COL9A3: variants seen among roughly 807,000 people sequenced by gnomAD.
COL9A3 encodes collagen alpha-3(IX) chain.
A neutral mutation model predicts 110.2 loss-of-function variants in COL9A3; 82 were observed. The observed-to-expected ratio is 0.74, with a 90% CI of 0.62 to 0.89. The LOEUF is 0.89. COL9A3 is among the 40% of genes least tolerant of loss of function. The pLI, the probability that COL9A3 is intolerant of heterozygous loss-of-function variation, is 0.00. For synonymous variants in COL9A3, 494 were observed against 403.8 expected (o/e 1.22, Z -2.68); for missense variants, 1,066 against 981.3 (o/e 1.09, Z -1.15).
In COL9A3 at chr20:62,837,160, C is replaced by G. The variant is rs756782482; in HGVS notation, c.1681C>G (p.Pro561Ala). The G allele has an allele frequency of 1.9e-6, 3 of 1,612,816 alleles. No homozygotes were observed. In the African/African-American group the frequency reaches 4.0e-5, roughly 22 times the overall value. ...CATTGGTCGGCCCGGTCCAGCTGGC[C>G]CCCCTGGGCCCCCAGGACCCCCAGG... ...GSIGRPGPAG[P>A]PGPPGPPGSI... Residue 561 changes from proline to alanine, a missense_variant, in exon 30 of 32, where the codon CCC becomes GCC. Transcript: ENST00000649368.
At chr20:62,816,335 G>C (rs899265103), upstream of COL9A3, 1 of 152,300 alleles carries the variant, frequency 6.6e-6, no homozygotes, top group Admixed American at 6.5e-5. Flanking sequence ...CCCAGGGCAC[G>C]GTTCCTTCAG....
At chr20:62,816,838 C>A (rs769133283), upstream of COL9A3, among the ~76,000 whole-genome samples, 1 of 152,148 alleles carries the variant, frequency 6.6e-6, no homozygotes, top group Non-Finnish European at 1.5e-5. Context: ...TTTTAACTCG[C>A]GGCCGGAGAG....
At position 62,838,865 on chromosome 20, in the gene COL9A3, T is replaced by C. The variant is rs572560458; in HGVS notation, c.1864+104T>C. ...GGTTATGAATGGGTCTCTTTTCCTC[T>C]TCTCTTGGCAAAGCAGTCTTAGAGA... On this transcript the variant is annotated intron_variant, in intron 31 of 31. Transcript: ENST00000649368. 6.6e-6 allele frequency: 6 copies of C among 911,590 alleles called. No homozygotes were observed. In the African/African-American group the frequency reaches 9.8e-5, roughly 15 times the overall value. The allele number at this position is 911,590 out of a possible 1,614,324, so 56.5% of individuals were successfully genotyped here. A position where few individuals can be genotyped will look rare whatever the true frequency, so the allele number is the denominator to read the frequency against.
At chr20:62,838,398 C>T (rs1359199239) in intron 30 of COL9A3, among the ~76,000 whole-genome samples, 1 of 152,144 alleles carries the variant, frequency 6.6e-6, no homozygotes, top group Non-Finnish European at 1.5e-5. Flanking sequence ...CATCCAAACA[C>T]GGGAAAGGAA....
Position 62,821,780 on chromosome 20 carries a change from C to T in COL9A3, c.393C>T (p.Pro131=). ...AGGGAGAGGCAGGAGTGAGCGGCCCCCCAGGTGGGATCGGCCTCCGCGGCC... is the reference window on the plus strand; with the variant it reads ...AGGGAGAGGCAGGAGTGAGCGGCCCTCCAGGTGGGATCGGCCTCCGCGGCC... ...GPPGEAGVSG[P]PGGIGLRGPP... is the part of the protein sequence containing the mutation. Residue 131 remains proline (P), a synonymous_variant, in exon 8 of 32, where the codon CCC becomes CCT. Transcript: ENST00000649368. The T allele has an allele frequency of 6.2e-7, 1 of 1,610,684 alleles. No homozygotes were observed. The highest frequency in any genetic ancestry group is 1.7e-4 in the Middle Eastern group (1 of 5,856).
At chr20:62,831,889 G>A (rs759906562) in intron 24 of COL9A3, 9 of 550,674 alleles carry the variant, frequency 1.6e-5, no homozygotes, top group East Asian at 3.0e-5. Flanking sequence ...AGAAACACCC[G>A]CACGAATTCA....
Position 62,825,815 on chromosome 20 carries a change from A to G in COL9A3, c.631-2A>G. 1 of 1,553,448 alleles carries G rather than the reference A, an allele frequency of 6.4e-7. No individual in the cohort carries two copies. The highest frequency in any genetic ancestry group is 8.7e-7 in the Non-Finnish European group (1 of 1,148,272). ...CTGACCACCCTATCCCCTCTGTTTCAGGGTGACCCTGGCCCCCCTGGGCCC... is the reference window on the plus strand; with the variant it reads ...CTGACCACCCTATCCCCTCTGTTTCGGGGTGACCCTGGCCCCCCTGGGCCC... On this transcript the variant is annotated splice_acceptor_variant, in intron 12 of 31. Transcript: ENST00000649368. LOFTEE classifies it high-confidence loss of function.
Position 62,822,124 on chromosome 20 carries a change from T to G in COL9A3, c.437T>G (p.Leu146Arg). 1 of 1,580,898 alleles carries G rather than the reference T, an allele frequency of 6.3e-7. No individual in the cohort carries two copies. Among genetic ancestry groups the G allele is most frequent in the South Asian group, 1.1e-5 (1 of 90,424 alleles). ...CCCCCTCCCCAGGGACCTTCTGGAC[T>G]CCCCGGCCTCCCTGGTCCCCCAGGA... Reference protein sequence around the residue: ...GLRGPPGPSGLPGLPGPPGPP... With the variant: ...GLRGPPGPSGRPGLPGPPGPP... Residue 146 changes from leucine (L) to arginine (R), a missense_variant, in exon 9 of 32, where the codon CTC becomes CGC. Physicochemically the swap from Leu to Arg is moderately radical, Grantham distance 102. Transcript: ENST00000649368.
rs370265182 is a variant in COL9A3, at chr20:62,836,348, C to T, written c.1548+15C>T. 85 of 1,613,660 alleles carry T rather than the reference C, an allele frequency of 5.3e-5. No individual in the cohort carries two copies. Among genetic ancestry groups the T allele is most frequent in the Middle Eastern group, 3.3e-4 (2 of 6,084 alleles). On this transcript the variant is annotated intron_variant, in intron 28 of 31. Transcript: ENST00000649368. Reference sequence around the variant, plus strand: ...CGGGAGTTCCGGTACGTCGCTTTTCCGGCTTTTCCAGCTTTCACAGGGTTG... The same window carrying T: ...CGGGAGTTCCGGTACGTCGCTTTTCTGGCTTTTCCAGCTTTCACAGGGTTG...
chr20:62,837,182 C>T lies in COL9A3; in HGVS notation c.1703C>T (p.Pro568Leu). ...GGCCCCCCTGGGCCCCCAGGACCCC[C>T]AGGCTCCATTGGTCACCCTGGCGCT... is the stretch of plus-strand genomic sequence containing the variant. ...PAGPPGPPGPPGSIGHPGARG... is the reference protein window; with the variant it reads ...PAGPPGPPGPLGSIGHPGARG... Residue 568 changes from proline (P) to leucine (L), a missense_variant, in exon 30 of 32, where the codon CCA becomes CTA. Pro to Leu is a moderately conservative substitution (Grantham distance 98, BLOSUM62 -3). Transcript: ENST00000649368. 1 of 1,612,802 alleles carries T rather than the reference C, an allele frequency of 6.2e-7. No homozygotes were observed. Among genetic ancestry groups the T allele is most frequent in the Non-Finnish European group, 8.5e-7 (1 of 1,179,804 alleles).
intron 10 of COL9A3, 142 bp downstream of exon 10, chr20:62,822,774 A>G (rs1201276400): frequency 2.3e-6 from 2 of 859,190 alleles, no homozygotes; most frequent in African/African-American, 3.3e-5. Flanking sequence ...CAGAGCAGAC[A>G]GCTCGGGCAC....
intron 19 of COL9A3, 122 bp downstream of exon 19, chr20:62,829,098 T>A: frequency 8.9e-7 from 1 of 1,123,100 alleles, no homozygotes; most frequent in Non-Finnish European, 1.3e-6. Context: ...TTCTGGGGCC[T>A]GTGTCCATCA....
intron 10 of COL9A3, among the ~76,000 whole-genome samples, chr20:62,823,980 T>C (rs969974779): frequency 5.3e-5 from 8 of 151,030 alleles, no homozygotes; most frequent in African/African-American, 2.0e-4. Context: ...AGTGGCCTCC[T>C]GGGGTCCCGT....
intron 25 of COL9A3, among the ~76,000 whole-genome samples, chr20:62,832,673 CG>C (rs199730144): frequency 1.7e-5 from 2 of 116,676 alleles, no homozygotes; most frequent in Non-Finnish European, 4.1e-5. Flanking sequence ...GGGCCATGGC[CG>C]TGGCTGCCCC....
At chr20:62,827,567 C>T (rs2063564255) in intron 16 of COL9A3, among the ~76,000 whole-genome samples, 1 of 152,218 alleles carries the variant, frequency 6.6e-6, no homozygotes, top group African/African-American at 2.4e-5. Flanking sequence ...GGCTTGGATC[C>T]TGCCCCCAGA....
chr20:62,818,513 C>A lies in COL9A3; in HGVS notation c.148-5C>A. 3 of 1,613,048 alleles carry A rather than the reference C, an allele frequency of 1.9e-6. No homozygotes were observed. The highest frequency in any genetic ancestry group is 2.5e-6 in the Non-Finnish European group (3 of 1,179,894). On this transcript the variant is annotated splice_region_variant and splice_polypyrimidine_tract_variant and intron_variant, in intron 2 of 31. Transcript: ENST00000649368. ...AGGGTTACATGTGGGTGTCTTTCCT[C>A]ACAGGGAGAAGCTGGTCCTCCAGGT...
intron 9 of COL9A3, among the ~76,000 whole-genome samples, 192 bp downstream of exon 9, chr20:62,822,356 C>T (rs1485264129): frequency 1.3e-5 from 2 of 152,170 alleles, no homozygotes; most frequent in Non-Finnish European, 2.9e-5. Flanking sequence ...ATGGTCAGGA[C>T]TCAGGTCCCC....
intron 25 of COL9A3, among the ~76,000 whole-genome samples, chr20:62,832,674 G>A (rs368468714): frequency 7.1e-6 from 1 of 141,426 alleles, no homozygotes; most frequent in Admixed American, 7.2e-5. Flanking sequence ...GGCCATGGCC[G>A]TGGCTGCCCC....
Position 62,830,552 on chromosome 20 carries a change from A to G in COL9A3, c.1251A>G (p.Pro417=), listed in dbSNP as rs1241283755. The G allele has an allele frequency of 6.2e-7, 1 of 1,607,376 alleles. No homozygotes were observed. Among genetic ancestry groups the G allele is most frequent in the Non-Finnish European group, 8.5e-7 (1 of 1,178,052 alleles). ...QKGSMGDPGL[P]GPQGLRGDVG... ...GCAGCATGGGAGACCCCGGCCTTCCAGGCCCCCAGGGCCTCCGAGGTGACG... is the reference window on the plus strand; with the variant it reads ...GCAGCATGGGAGACCCCGGCCTTCCGGGCCCCCAGGGCCTCCGAGGTGACG... The change falls in exon 24 of 32, where the codon CCA becomes CCG. Residue 417 remains proline, a synonymous_variant. Transcript: ENST00000649368.
Sources: allele counts gnomAD v4.1 joint callset (sites outside exome capture counted in the v4.1 genomes callset), GRCh38; gene constraint gnomAD v4.1.1; transcripts MANE v1.5; gene names NCBI Gene and HGNC (gene_info 2026-07-23, HGNC 2026-07-21).